The following GTF3C2 variants were observed in gnomAD, a reference collection of about 807,000 sequenced individuals.
GTF3C2 encodes general transcription factor 3C polypeptide 2.
GTF3C2 carries 17 observed loss-of-function variants against 117.4 expected under a neutral mutation model. That is an observed-to-expected ratio of 0.14 (90% CI 0.10 to 0.22). The LOEUF (loss-of-function observed/expected upper bound fraction) is 0.22, where lower values mean the gene tolerates loss of function less well. GTF3C2 is among the 10% of genes least tolerant of loss of function. GTF3C2 has a pLI of 1.00. For synonymous variants in GTF3C2, 437 were observed against 427.0 expected (o/e 1.02, Z -0.29); for missense variants, 888 against 1,143.6 (o/e 0.78, Z 3.22).
intron 16 of GTF3C2, 29 bp downstream of exon 16, chr2:27,328,439 C>A (rs1384360093): frequency 6.2e-7 from 1 of 1,612,954 alleles, no homozygotes; most frequent in African/African-American, 1.3e-5. Context: ...TAGGATCCAA[C>A]AGCTGCTGTT....
intron 12 of GTF3C2, among the ~76,000 whole-genome samples, chr2:27,330,350 T>A (rs1255917761): frequency 1.3e-5 from 2 of 150,506 alleles, no homozygotes; most frequent in Non-Finnish European, 1.5e-5. Flanking sequence ...TAATCCCAGC[T>A]ACTTGGGAGG....
At chr2:27,335,179 C>A (rs376422020) in intron 10 of GTF3C2, 18 of 453,326 alleles carry the variant, frequency 4.0e-5, no homozygotes, top group African/African-American at 3.4e-4. Context: ...TATTCCATCC[C>A]TCTCTTCAGC....
At chr2:27,342,121 G>A (rs199745999) in exon 4 of GTF3C2, 67 of 1,614,006 alleles carry the variant, frequency 4.2e-5, no homozygotes, top group Middle Eastern at 1.6e-4. Flanking sequence ...GCTGGCTGCC[G>A]GATCTTCTTC....
At chr2:27,335,185 T>C (rs1207833683) in intron 10 of GTF3C2, 22 of 459,490 alleles carry the variant, frequency 4.8e-5, no homozygotes, top group Non-Finnish European at 9.0e-6. Context: ...ATCCCTCTCT[T>C]CAGCAGAACA....
rs141690755 is a variant in GTF3C2 at position 27,351,029 on chromosome 2, T to C, written c.-25+5710A>G. On this transcript the variant is annotated intron_variant, in intron 1 of 18. Transcript: ENST00000264720. The stretch of plus-strand genomic sequence containing the variant: ...TACTTGGGAGACTGAGGTGGGAGGA[T>C]CACTTATGCCCAGGAGTTGAAGACT... Among the ~76,000 whole-genome samples, 71 of 151,676 alleles carry C rather than the reference T, an allele frequency of 4.7e-4. No homozygotes were observed. In the East Asian group the frequency reaches 0.014, roughly 29 times the overall value.
At chr2:27,349,139 ATTTGATTTTTT>A (rs1384712357) in intron 1 of GTF3C2, among the ~76,000 whole-genome samples, 5 of 126,288 alleles carry the variant, frequency 4.0e-5, no homozygotes, top group African/African-American at 1.5e-4. Flanking sequence ...GCCCAGCCTG[ATTTGATTTTTT>A]TTTTTTTTTT....
At chr2:27,337,755 A>T in intron 5 of GTF3C2, 171 bp downstream of exon 5, 1 of 695,154 alleles carries the variant, frequency 1.4e-6, no homozygotes, top group Non-Finnish European at 2.6e-6. Context: ...ATTTCACTTT[A>T]ATTAAAGAGT....
intron 1 of GTF3C2, chr2:27,356,200 C>A (rs1464343931): frequency 1.3e-6 from 1 of 775,924 alleles, no homozygotes; most frequent in African/African-American, 1.8e-5. Flanking sequence ...GACAGGGAAA[C>A]ACAACTGGCC....
chr2:27,338,075 G>T, intron 4 of GTF3C2, 55 bp from the exon 5 acceptor site: 1 of 1,072,902 alleles, frequency 9.3e-7, no homozygotes, highest in Non-Finnish European at 1.5e-6. Context: ...GTTGGACAAA[G>T]TCCCAGAGAC....
exon 18 of GTF3C2, chr2:27,327,198 C>G (rs768352854): frequency 6.3e-7 from 1 of 1,591,708 alleles, no homozygotes; most frequent in East Asian, 2.2e-5. Flanking sequence ...CCTCCAGCTG[C>G]AGCCTGTCCA....
intron 1 of GTF3C2, among the ~76,000 whole-genome samples, chr2:27,355,895 G>A (rs1456823431): frequency 6.6e-6 from 1 of 152,118 alleles, no homozygotes; most frequent in Admixed American, 6.5e-5. Context: ...ATTATAAGTA[G>A]CCCATGAAAC....
intron 1 of GTF3C2, among the ~76,000 whole-genome samples, chr2:27,350,928 G>A (rs558076172): frequency 1.2e-4 from 17 of 143,920 alleles, no homozygotes; most frequent in African/African-American, 1.8e-4. Context: ...TAGTCTGGGC[G>A]ACACAGCAAG....
exon 9 of GTF3C2, chr2:27,336,026 G>A (rs963787925): frequency 6.2e-7 from 1 of 1,600,714 alleles, no homozygotes; most frequent in South Asian, 1.1e-5. Flanking sequence ...CCTGTTGCCA[G>A]GACTGGAGAG....
Position 27,329,417 on chromosome 2 carries a change from G to A in GTF3C2, c.1839C>T (p.Asp613=), listed in dbSNP as rs1450482563. ...ACCATTGAAGGGTACGCACAGCCTG[G>A]TCATGGGCTAGGAAACACTGGAAGG... Residue 613 remains aspartate (D), a synonymous_variant, in exon 13 of 19, where the codon GAC becomes GAT. Coordinates refer to ENST00000264720, the Ensembl canonical transcript of GTF3C2. The surrounding 1 kb of genome is among the most constrained non-coding windows in gnomAD (Gnocchi z 4.5). The A allele has an allele frequency of 1.2e-6, 2 of 1,614,140 alleles. No homozygotes were observed. Among genetic ancestry groups the A allele is most frequent in the East Asian group, 2.2e-5 (1 of 44,886 alleles).
intron 17 of GTF3C2, among the ~76,000 whole-genome samples, 181 bp from the exon 18 acceptor site, chr2:27,327,465 C>T (rs888829190): frequency 6.6e-5 from 10 of 151,918 alleles, no homozygotes; most frequent in African/African-American, 2.4e-4. Context: ...GCTGGGATTA[C>T]AGGCGCCCGC....
intron 12 of GTF3C2, among the ~76,000 whole-genome samples, chr2:27,332,879 C>G (rs981647411): frequency 1.3e-5 from 2 of 151,262 alleles, no homozygotes; most frequent in African/African-American, 2.4e-5. Context: ...TGACACCCAG[C>G]TAATTTTTGT....
Position 27,328,607 on chromosome 2 carries a change from G to C in GTF3C2, c.2128-11C>G, listed in dbSNP as rs182304682. ...GGATCCTGAAAGACTCTAATAGAAA[G>C]AGACAGATTTCATTCATTCATATAT... On this transcript the variant is annotated splice_polypyrimidine_tract_variant and intron_variant, in intron 15 of 18. Coordinates refer to ENST00000264720, the Ensembl canonical transcript of GTF3C2. 1.9e-6 allele frequency: 3 copies of C among 1,606,144 alleles called. No individual in the cohort carries two copies. Among genetic ancestry groups the C allele is most frequent in the Admixed American group, 1.7e-5 (1 of 59,826 alleles).
intron 1 of GTF3C2, 132 bp downstream of exon 1, chr2:27,356,607 G>A (rs1681396954): frequency 6.2e-6 from 1 of 160,334 alleles, no homozygotes; most frequent in African/African-American, 2.4e-5. Context: ...CGCAGACGCT[G>A]AAAGGCGCGC....
At chr2:27,335,605 T>A in exon 10 of GTF3C2, 1 of 1,534,646 alleles carries the variant, frequency 6.5e-7, no homozygotes, top group Non-Finnish European at 8.8e-7. Context: ...CACCTGGGGG[T>A]TGCTGAGCCA....
Sources: allele counts gnomAD v4.1 joint callset (sites outside exome capture counted in the v4.1 genomes callset), GRCh38; gene constraint gnomAD v4.1.1; non-coding constraint Gnocchi (gnomAD v3.1); transcripts MANE v1.5; gene names NCBI Gene and HGNC (gene_info 2026-07-23, HGNC 2026-07-21).